RNF43: variants seen among roughly 807,000 people sequenced by gnomAD.
The protein encoded by RNF43 is E3 ubiquitin-protein ligase RNF43.
RNF43 carries 37 observed loss-of-function variants against 78.4 expected under a neutral mutation model. The observed-to-expected ratio is 0.47, with a 90% confidence interval of 0.36 to 0.62. RNF43 has a LOEUF of 0.62. Among genes scored for constraint, RNF43 ranks in the 20% least tolerant of loss-of-function variants. The probability of loss-of-function intolerance (pLI) is 0.00; values close to 1 mark genes in which losing one functional copy is unlikely to be tolerated. For missense variants in RNF43, 774 were observed against 1,007.9 expected (o/e 0.77, Z 3.14); for synonymous variants, 347 against 395.0 (o/e 0.88, Z 1.44).
rs1972704194 is a variant in RNF43, at chr17:58,357,274, A to T, written c.2308+194T>A. The T allele has an allele frequency of 2.6e-6, 2 of 766,242 alleles. No individual in the cohort carries two copies. Among genetic ancestry groups the T allele is most frequent in the Non-Finnish European group, 4.5e-6 (2 of 442,114 alleles). The allele number at this position is 766,242 out of a possible 1,614,324, so 47.5% of individuals were successfully genotyped here. On this transcript the variant is annotated intron_variant, in intron 9 of 9. Coordinates refer to ENST00000407977, the MANE Select transcript of RNF43 (RefSeq NM_017763.6). The surrounding 1 kb of genome is among the most constrained non-coding windows in gnomAD (Gnocchi z 4.5). The stretch of plus-strand genomic sequence containing the variant: ...GTGATCTGCCAACTAAAGGGGTAGC[A>T]CCTGGCAGAGGTGGGGTGTTCCTGC...
intron 2 of RNF43, among the ~76,000 whole-genome samples, chr17:58,394,159 C>G (rs937667334): frequency 3.3e-5 from 5 of 152,132 alleles, no homozygotes; most frequent in Non-Finnish European, 7.3e-5. Flanking sequence ...TGAGGAAAGA[C>G]AAGAGTTCAG....
chr17:58,415,259 G>T (rs2143693215), intron 2 of RNF43, 67 bp downstream of exon 2: 1 of 1,542,754 alleles, frequency 6.5e-7, no homozygotes, highest in Non-Finnish European at 8.9e-7. Context: ...TATTTCATTT[G>T]GGAGACAAAA....
intron 2 of RNF43, among the ~76,000 whole-genome samples, chr17:58,387,588 A>G (rs949229461): frequency 1.3e-5 from 2 of 152,006 alleles, no homozygotes; most frequent in African/African-American, 4.8e-5. Context: ...TGAACCTGGG[A>G]GGCAGAGGTT....
In RNF43 at chr17:58,358,379, G is replaced by C. The variant is rs1401153315; in HGVS notation, c.1397C>G (p.Ser466Cys). Reference protein sequence around the residue: ...GYLADGPASDSSSGPCHGSSS... With the variant: ...GYLADGPASDCSSGPCHGSSS... ...AGAGCCATGACAGGGCCCTGAGCTG[G>C]AGTCACTGGCTGGCCCATCTGCCAG... Residue 466 changes from serine (S) to cysteine (C), a missense_variant, in exon 9 of 10, where the codon TCC becomes TGC. Physicochemically the swap from Ser to Cys is moderately radical, Grantham distance 112. Coordinates refer to ENST00000407977, the MANE Select transcript of RNF43 (RefSeq NM_017763.6). This position sits in a 1 kb window ranked among gnomAD's most constrained non-coding sequence, Gnocchi z 6.2. 1 of 1,614,162 alleles carries C rather than the reference G, an allele frequency of 6.2e-7. No individual in the cohort carries two copies. The highest frequency in any genetic ancestry group is 8.5e-7 in the Non-Finnish European group (1 of 1,180,014).
intron 2 of RNF43, among the ~76,000 whole-genome samples, chr17:58,400,947 A>G (rs756154679): frequency 6.6e-6 from 1 of 152,094 alleles, no homozygotes; most frequent in Non-Finnish European, 1.5e-5. Context: ...CAGACTGCCT[A>G]CAAAACAACT....
chr17:58,393,317 G>A (rs1279086810), intron 2 of RNF43, among the ~76,000 whole-genome samples: 1 of 152,136 alleles, frequency 6.6e-6, no homozygotes, highest in Non-Finnish European at 1.5e-5. Flanking sequence ...TGAGGCAGGA[G>A]AATCACTTGA....
intron 2 of RNF43, among the ~76,000 whole-genome samples, chr17:58,393,650 T>C (rs1437268021): frequency 1.3e-5 from 2 of 152,212 alleles, no homozygotes; most frequent in East Asian, 3.8e-4. Context: ...CTATTTTGAT[T>C]ACAATGTAGG....
Position 58,360,240 on chromosome 17 carries a change from G to A in RNF43, c.861C>T (p.Val287=), listed in dbSNP as rs748309469. 3.7e-6 allele frequency: 6 copies of A among 1,613,878 alleles called. No homozygotes were observed. In the Admixed American group the frequency reaches 8.3e-5, roughly 22 times the overall value. Residue 287 remains valine (V), a synonymous_variant, in exon 8 of 10, where the codon GTC becomes GTT. Coordinates refer to ENST00000407977, the MANE Select transcript of RNF43 (RefSeq NM_017763.6). This position sits in a 1 kb window ranked among gnomAD's most constrained non-coding sequence, Gnocchi z 4.3. ...EEFSEGQELR[V]ISCLHEFHRN... ...GATGGAACTCATGGAGGCAGGAAAT[G>A]ACCCGTAGCTCCTGGAGAAAAAGAG...
chr17:58,380,528 G>A (rs995796218), intron 2 of RNF43, among the ~76,000 whole-genome samples: 1 of 152,206 alleles, frequency 6.6e-6, no homozygotes, highest in Non-Finnish European at 1.5e-5. Flanking sequence ...TCACACCAGA[G>A]ATGGCAGGAA....
chr17:58,403,302 CTCA>C (rs1344196363), intron 2 of RNF43, among the ~76,000 whole-genome samples: 2 of 152,214 alleles, frequency 1.3e-5, no homozygotes, highest in African/African-American at 4.8e-5. Flanking sequence ...ATTCTAGGCA[CTCA>C]CATAATCCCC....
At chr17:58,407,712 A>C (rs530609470) in intron 2 of RNF43, among the ~76,000 whole-genome samples, 28 of 152,360 alleles carry the variant, frequency 1.8e-4, no homozygotes, top group Middle Eastern at 3.4e-3. Context: ...TTAAGGGCCT[A>C]AAGAACACTG....
In RNF43 at chr17:58,358,269, T is replaced by TTAA. The variant is rs1972743754; in HGVS notation, c.1506_1507insTTA (p.Ser502_Ser503insLeu). On this transcript the variant is annotated inframe_insertion, in exon 9 of 10. Coordinates refer to ENST00000407977, the MANE Select transcript of RNF43 (RefSeq NM_017763.6). This position sits in a 1 kb window ranked among gnomAD's most constrained non-coding sequence, Gnocchi z 6.2. The stretch of plus-strand genomic sequence containing the variant: ...CAGTACACTAGGGGGTCAAAGTCAC[T>TTAA]GCTTAGGGAGCTGCAGAAAGTAGAA... The TTAA allele has an allele frequency of 6.2e-7, 1 of 1,614,012 alleles. No individual in the cohort carries two copies. Among genetic ancestry groups the TTAA allele is most frequent in the African/African-American group, 1.3e-5 (1 of 74,984 alleles).
chr17:58,383,218 A>C (rs927512431), intron 2 of RNF43, among the ~76,000 whole-genome samples: 1 of 152,156 alleles, frequency 6.6e-6, no homozygotes, highest in Non-Finnish European at 1.5e-5. Flanking sequence ...GTGGGATGAG[A>C]GATGAATTAC....
intron 2 of RNF43, among the ~76,000 whole-genome samples, chr17:58,380,713 C>T (rs1353955254): frequency 2.0e-5 from 3 of 152,182 alleles, no homozygotes; most frequent in Admixed American, 6.5e-5. Flanking sequence ...TCTGGACTAC[C>T]GGCAGAGCTA....
chr17:58,364,048 C>T (rs1365765321), intron 3 of RNF43, among the ~76,000 whole-genome samples: 2 of 152,180 alleles, frequency 1.3e-5, no homozygotes, highest in East Asian at 3.9e-4. Context: ...AGCTCTCCTT[C>T]AGAGGGAGCT....
chr17:58,370,933 G>T lies in RNF43; in HGVS notation c.353C>A (p.Pro118His), dbSNP rs2143514165. ...KLESPRRAPR[P>H]CLSLASKARM... ...TACCTTGCTAGCCAGTGACAGGCAG[G>T]GGCGGGGGGCCCGTCGAGGACTCTC... is the stretch of plus-strand genomic sequence containing the variant. Residue 118 changes from proline to histidine, a missense_variant, in exon 3 of 10, where the codon CCC (proline) becomes CAC (histidine). Pro to His is a moderately conservative substitution (Grantham distance 77). Coordinates refer to ENST00000407977, the MANE Select transcript of RNF43 (RefSeq NM_017763.6). 1 of 1,606,666 alleles carries T rather than the reference G, an allele frequency of 6.2e-7. No individual in the cohort carries two copies. Among genetic ancestry groups the T allele is most frequent in the Non-Finnish European group, 8.5e-7 (1 of 1,175,862 alleles).
At chr17:58,411,263 C>A (rs1386574404) in intron 2 of RNF43, among the ~76,000 whole-genome samples, 2 of 152,070 alleles carry the variant, frequency 1.3e-5, no homozygotes, top group Non-Finnish European at 1.5e-5. Flanking sequence ...AATCACACAA[C>A]TATTAATATT....
intron 2 of RNF43, among the ~76,000 whole-genome samples, chr17:58,404,362 C>G (rs1210315296): frequency 6.6e-6 from 1 of 152,150 alleles, no homozygotes; most frequent in South Asian, 2.1e-4. Flanking sequence ...TTATTTAGTT[C>G]TCCCCCAACT....
chr17:58,368,258 A>C (rs1478293867), intron 3 of RNF43, among the ~76,000 whole-genome samples: 1 of 152,166 alleles, frequency 6.6e-6, no homozygotes, highest in Non-Finnish European at 1.5e-5. Context: ...TAAGAAAAAC[A>C]GATGTTCGGC....
Sources: gnomAD v4.1 joint callset for allele counts (sites outside exome capture counted in the v4.1 genomes callset) on GRCh38, gnomAD v4.1.1 for gene constraint, Gnocchi (gnomAD v3.1) non-coding constraint, MANE v1.5 for transcripts, NCBI Gene and HGNC (gene_info 2026-07-23, HGNC 2026-07-21) for gene names.